Variants in MIPEP observed in about 807,000 individuals in gnomAD.
The protein encoded by MIPEP is mitochondrial intermediate peptidase.
MIPEP carries 79 observed loss-of-function variants against 90.3 expected under a neutral mutation model. The ratio of observed to expected loss-of-function variants is 0.87; its 90% CI spans 0.73 to 1.05. The LOEUF is 1.05. MIPEP is among the 50% of genes least tolerant of loss of function. The pLI is 0.00. For synonymous variants in MIPEP, 334 were observed against 315.8 expected (o/e 1.06, Z -0.61); for missense variants, 940 against 905.6 (o/e 1.04, Z -0.49).
chr13:23,869,934 A>C, intron 6 of MIPEP, 79 bp downstream of exon 6: 1 of 1,206,202 alleles, frequency 8.3e-7, no homozygotes, highest in Non-Finnish European at 1.1e-6. Context: ...ATACTATTAT[A>C]TTATCACTGA....
chr13:23,763,134 C>T (rs1390899388), intron 16 of MIPEP, among the ~76,000 whole-genome samples: 1 of 152,214 alleles, frequency 6.6e-6, no homozygotes, highest in Non-Finnish European at 1.5e-5. Context: ...TCGTTTACAA[C>T]ATATACACAG....
Position 23,879,337 on chromosome 13 carries a change from T to A in MIPEP, c.470A>T (p.Asp157Val), listed in dbSNP as rs771534822. Reference protein sequence around the residue: ...TMVEKLNTNVDLYQSLQKLLA... With the variant: ...TMVEKLNTNVVLYQSLQKLLA... Reference sequence around the variant, plus strand: ...TAATTTTTGCAAACTTTGATATAAATCCACATTTGTGTTCAACCTAGAAAA... The same window carrying A: ...TAATTTTTGCAAACTTTGATATAAAACCACATTTGTGTTCAACCTAGAAAA... The change falls in exon 4 of 19, where the codon GAT (aspartate) becomes GTT (valine). Residue 157 changes from aspartate to valine, a missense_variant. Transcript: ENST00000382172. The A allele has an allele frequency of 1.3e-6, 2 of 1,576,534 alleles. No homozygotes were observed. The highest frequency in any genetic ancestry group is 1.7e-6 in the Non-Finnish European group (2 of 1,147,406).
chr13:23,791,794 G>C (rs1952900139), intron 16 of MIPEP, among the ~76,000 whole-genome samples: 1 of 152,144 alleles, frequency 6.6e-6, no homozygotes, highest in African/African-American at 2.4e-5. Context: ...AACACCAGAA[G>C]TGCCTCTACT....
chr13:23,845,905 T>C (rs1458682757), intron 10 of MIPEP, among the ~76,000 whole-genome samples: 1 of 151,938 alleles, frequency 6.6e-6, no homozygotes, highest in East Asian at 1.9e-4. Flanking sequence ...TCTCTGGTGG[T>C]TTCTCTATTG....
At chr13:23,829,257 G>A in intron 14 of MIPEP, among the ~76,000 whole-genome samples, 1 of 152,136 alleles carries the variant, frequency 6.6e-6, no homozygotes, top group Admixed American at 6.6e-5. Context: ...GCTCACGCCT[G>A]TAATCCCAAA....
intron 14 of MIPEP, among the ~76,000 whole-genome samples, chr13:23,833,235 AT>A (rs1868856073): frequency 6.6e-6 from 1 of 152,210 alleles, no homozygotes; most frequent in African/African-American, 2.4e-5. Context: ...TGCACTTAAG[AT>A]TTAAAAAAAA....
Position 23,769,410 on chromosome 13 carries a change from G to C in MIPEP, c.1849-9193C>G, listed in dbSNP as rs1952626698. Among the ~76,000 whole-genome samples, 5 of 152,280 alleles carry C rather than the reference G, an allele frequency of 3.3e-5. No homozygotes were observed. The South Asian group carries it at 1.0e-3, about 32-fold the overall frequency. Reference sequence around the variant, plus strand: ...GGGAAAATCCATGAAAGGAAAAATGGAAAAGGACATGAGTGCCCTTTGTAG... The same window carrying C: ...GGGAAAATCCATGAAAGGAAAAATGCAAAAGGACATGAGTGCCCTTTGTAG... On this transcript the variant is annotated intron_variant, in intron 16 of 18. Coordinates refer to ENST00000382172, the MANE Select transcript of MIPEP (RefSeq NM_005932.4).
intron 5 of MIPEP, among the ~76,000 whole-genome samples, chr13:23,871,789 TTTGC>T (rs137900508): frequency 0.14 from 21,275 of 152,170 alleles, 1,594 homozygotes; most frequent in African/African-American, 0.19. Flanking sequence ...CAGATTTCTC[TTTGC>T]TTATTTTGTT....
At chr13:23,880,460 C>T (rs1211007942) in intron 3 of MIPEP, among the ~76,000 whole-genome samples, 1 of 152,208 alleles carries the variant, frequency 6.6e-6, no homozygotes, top group African/African-American at 2.4e-5. Flanking sequence ...TTGGAAGACC[C>T]TGAGATAAAG....
intron 10 of MIPEP, among the ~76,000 whole-genome samples, chr13:23,854,955 A>G (rs1031172982): frequency 6.6e-6 from 1 of 152,110 alleles, no homozygotes; most frequent in Non-Finnish European, 1.5e-5. Flanking sequence ...AATAAATGAA[A>G]TACTGAAACT....
intron 1 of MIPEP, among the ~76,000 whole-genome samples, chr13:23,887,448 T>C (rs1871547022): frequency 6.6e-6 from 1 of 152,216 alleles, no homozygotes; most frequent in Admixed American, 6.5e-5. Flanking sequence ...AGAAAAAACT[T>C]GTTTGAGGTC....
chr13:23,806,605 G>A (rs1468197056), intron 15 of MIPEP, among the ~76,000 whole-genome samples: 2 of 151,990 alleles, frequency 1.3e-5, no homozygotes, highest in African/African-American at 4.8e-5. Flanking sequence ...GTGAACCTGG[G>A]AGGCGGAGCT....
chr13:23,778,105 A>AT (rs1187169098), intron 16 of MIPEP, among the ~76,000 whole-genome samples: 1 of 152,206 alleles, frequency 6.6e-6, no homozygotes, highest in Non-Finnish European at 1.5e-5. Context: ...TGTATAAATC[A>AT]TTTCAAATAC....
intron 14 of MIPEP, among the ~76,000 whole-genome samples, chr13:23,813,754 C>T (rs1953202353): frequency 6.6e-6 from 1 of 152,122 alleles, no homozygotes; most frequent in Non-Finnish European, 1.5e-5. Flanking sequence ...CATGAGCCAC[C>T]GTGTCCAGCC....
At chr13:23,764,423 G>C (rs775480529) in intron 16 of MIPEP, among the ~76,000 whole-genome samples, 1 of 152,166 alleles carries the variant, frequency 6.6e-6, no homozygotes, top group Non-Finnish European at 1.5e-5. Context: ...GCCGGAAATG[G>C]AAAGGTAGCA....
intron 18 of MIPEP, among the ~76,000 whole-genome samples, chr13:23,738,598 C>T (rs1214163429): frequency 6.6e-6 from 1 of 151,636 alleles, no homozygotes; most frequent in African/African-American, 2.4e-5. Context: ...TAGGAATGCA[C>T]CACCACGCCC....
chr13:23,882,531 C>T (rs1202062788), intron 2 of MIPEP, among the ~76,000 whole-genome samples: 15 of 152,272 alleles, frequency 9.9e-5, no homozygotes, highest in African/African-American at 3.1e-4. Flanking sequence ...ACTACTGCTG[C>T]TGCTACTTAA....
At chr13:23,817,794 A>G (rs1055011225) in intron 14 of MIPEP, among the ~76,000 whole-genome samples, 8 of 152,046 alleles carry the variant, frequency 5.3e-5, no homozygotes, top group African/African-American at 1.9e-4. Flanking sequence ...TCCATCCAAA[A>G]TTTGTTTTAC....
intron 16 of MIPEP, among the ~76,000 whole-genome samples, chr13:23,766,970 T>C (rs1163911195): frequency 6.6e-6 from 1 of 152,200 alleles, no homozygotes; most frequent in Admixed American, 6.5e-5. Flanking sequence ...CCTTGTTAGC[T>C]AGAGGAAGAA....
Sources: gnomAD v4.1 joint callset for allele counts (sites outside exome capture counted in the v4.1 genomes callset) on GRCh38, gnomAD v4.1.1 for gene constraint, MANE v1.5 for transcripts, NCBI Gene and HGNC (gene_info 2026-07-23, HGNC 2026-07-21) for gene names.